TMEM168: variants seen among roughly 807,000 people sequenced by gnomAD.
The protein encoded by TMEM168 is transmembrane protein 168.
A neutral mutation model predicts 53.2 loss-of-function variants in TMEM168; 40 were observed. The ratio of observed to expected loss-of-function variants is 0.75; its 90% CI spans 0.58 to 0.98. The LOEUF (loss-of-function observed/expected upper bound fraction) is 0.98, where lower values mean the gene tolerates loss of function less well. Among genes scored for constraint, TMEM168 ranks in the 50% least tolerant of loss-of-function variants. TMEM168 has a pLI of 0.00. For missense variants in TMEM168, 771 were observed against 828.8 expected (o/e 0.93, Z 0.86); for synonymous variants, 282 against 293.0 (o/e 0.96, Z 0.38).
At chr7:112,781,179 A>T (rs1421666444) in intron 2 of TMEM168, among the ~76,000 whole-genome samples, 1 of 152,090 alleles carries the variant, frequency 6.6e-6, no homozygotes, top group Non-Finnish European at 1.5e-5. Context: ...GAACTATAAT[A>T]GAGATTTTCA....
In TMEM168 at chr7:112,766,599, TG is replaced by T. The variant is rs1395435730; in HGVS notation, c.*597del. ...ACATAAAGAATATTTTGATCTAAAA[TG>T]TAACTTGGGTTCTCTGCCACACTGG... On this transcript the variant is annotated 3_prime_UTR_variant, in exon 5 of 5. Coordinates refer to ENST00000312814, the MANE Select transcript of TMEM168 (RefSeq NM_022484.6). 6.5e-6 allele frequency: 1 copy of T among 152,714 alleles called. No homozygotes were observed. Among genetic ancestry groups the T allele is most frequent in the Non-Finnish European group, 1.5e-5 (1 of 68,088 alleles). 9.5% of individuals were successfully genotyped at this position (152,714 alleles called of 1,614,324 possible).
chr7:112,786,208 TAAAC>T (rs1313913278), intron 1 of TMEM168, among the ~76,000 whole-genome samples: 3 of 151,782 alleles, frequency 2.0e-5, no homozygotes, highest in South Asian at 2.1e-4. Flanking sequence ...CCTCCAAAAA[TAAAC>T]AAAAAAAACC....
At chr7:112,788,782 A>C (rs1223030617) in intron 1 of TMEM168, among the ~76,000 whole-genome samples, 2 of 152,140 alleles carry the variant, frequency 1.3e-5, no homozygotes, top group Non-Finnish European at 2.9e-5. Flanking sequence ...AGTCCTGTCT[A>C]CTATTCTTCC....
chr7:112,784,413 G>A lies in TMEM168; in HGVS notation c.413C>T (p.Ser138Phe), dbSNP rs111844937. The change falls in exon 2 of 5, where the codon TCT becomes TTT. Residue 138 changes from serine (S) to phenylalanine (F), a missense_variant. Ser to Phe is a radical substitution (Grantham distance 155, BLOSUM62 -2). Transcript: ENST00000312814. ...ATAACCAGAAATTCTCTCCACCAGA[G>A]AGCACAATATCCTTAACACTATGGA... ...LTSIVLRILC[S>F]LVERISGYVR... 4 of 1,614,106 alleles carry A rather than the reference G, an allele frequency of 2.5e-6. No individual in the cohort carries two copies. The highest frequency in any genetic ancestry group is 2.2e-5 in the East Asian group (1 of 44,866).
At position 112,767,733 on chromosome 7, in the gene TMEM168, G is replaced by C. The variant is rs1335804754; in HGVS notation, c.1558C>G (p.Leu520Val). 1 of 1,609,750 alleles carries C rather than the reference G, an allele frequency of 6.2e-7. No individual in the cohort carries two copies. Among genetic ancestry groups the C allele is most frequent in the South Asian group, 1.1e-5 (1 of 90,570 alleles). ...GEWALAGGDTLRLDTLIEWWR... is the reference protein window; with the variant it reads ...GEWALAGGDTVRLDTLIEWWR... ...CATTCTATAAGTGTGTCAAGGCGTA[G>C]TGTATCTCCACCTGTGAACAAGAGA... The change falls in exon 5 of 5, where the codon CTA becomes GTA. Residue 520 changes from leucine (L) to valine (V), a missense_variant. Physicochemically the swap from Leu to Val is conservative, Grantham distance 32. Transcript: ENST00000312814.
Position 112,784,302 on chromosome 7 carries a change from T to C in TMEM168, c.524A>G (p.Glu175Gly), listed in dbSNP as rs1793315089. 1.2e-6 allele frequency: 2 copies of C among 1,614,036 alleles called. No individual in the cohort carries two copies. Among genetic ancestry groups the C allele is most frequent in the Middle Eastern group, 1.6e-4 (1 of 6,084 alleles). Residue 175 changes from glutamate (E) to glycine (G), a missense_variant, in exon 2 of 5, where the codon GAG (glutamate) becomes GGG (glycine). Coordinates refer to ENST00000312814, the MANE Select transcript of TMEM168 (RefSeq NM_022484.6). Reference protein sequence around the residue: ...FAIASTTMLVEKSLSVILLVV... With the variant: ...FAIASTTMLVGKSLSVILLVV... ...AAGCAAAATGACACTCAGAGACTTC[T>C]CCACCAACATAGTTGTGCTGGCAAT...
chr7:112,769,949 C>T (rs530829397), intron 4 of TMEM168, among the ~76,000 whole-genome samples: 5 of 152,172 alleles, frequency 3.3e-5, no homozygotes, highest in Admixed American at 6.5e-5. Flanking sequence ...TTTCCCACAG[C>T]GATATTAATA....
rs148063778 is a variant in TMEM168, at chr7:112,775,315, T to C, written c.1132A>G (p.Thr378Ala). The change falls in exon 3 of 5, where the codon ACA (threonine) becomes GCA (alanine). Residue 378 changes from threonine to alanine, a missense_variant. Physicochemically the swap from Thr to Ala is moderately conservative, Grantham distance 58 (BLOSUM62 0). Coordinates refer to ENST00000312814, the MANE Select transcript of TMEM168 (RefSeq NM_022484.6). ...AACATGCTCAAGAAAATTCCATTTG[T>C]TGGCTAAAAGAAATCCAAAACATGT... is the stretch of plus-strand genomic sequence containing the variant. ...AILGAVSWQP[T>A]NGIFLSMFLI... The C allele has an allele frequency of 5.8e-5, 94 of 1,612,284 alleles. No individual in the cohort carries two copies. The highest frequency in any genetic ancestry group is 7.3e-5 in the Non-Finnish European group (86 of 1,179,206).
chr7:112,780,874 T>G (rs562199030), intron 2 of TMEM168, among the ~76,000 whole-genome samples: 1 of 150,390 alleles, frequency 6.6e-6, no homozygotes, highest in African/African-American at 2.5e-5. Context: ...AGAGGGAATT[T>G]TGGCAGTGAT....
intron 2 of TMEM168, among the ~76,000 whole-genome samples, chr7:112,775,527 T>C (rs973138796): frequency 6.6e-6 from 1 of 151,942 alleles, no homozygotes; most frequent in Non-Finnish European, 1.5e-5. Flanking sequence ...TCTCTTAGTT[T>C]TTTGGAAGTT....
chr7:112,767,089 G>T lies in TMEM168; in HGVS notation c.*108C>A. The stretch of plus-strand genomic sequence containing the variant: ...AAAAGACAAAGTGAGAGCAGCTACA[G>T]AAGTAGCAAGGTATTTTCCACAAAT... On this transcript the variant is annotated 3_prime_UTR_variant, in exon 5 of 5. Transcript: ENST00000312814. 1 of 1,102,712 alleles carries T rather than the reference G, an allele frequency of 9.1e-7. No homozygotes were observed. Among genetic ancestry groups the T allele is most frequent in the East Asian group, 2.5e-5 (1 of 39,780 alleles). The allele number at this position is 1,102,712 out of a possible 1,614,324, so 68.3% of individuals were successfully genotyped here. A position where few individuals can be genotyped will look rare whatever the true frequency, so the allele number is the denominator to read the frequency against.
At chr7:112,775,516 A>C (rs1793055366) in intron 2 of TMEM168, among the ~76,000 whole-genome samples, 198 bp from the exon 3 acceptor site, 1 of 152,096 alleles carries the variant, frequency 6.6e-6, no homozygotes, top group East Asian at 1.9e-4. Context: ...TCCTAAATTT[A>C]TCTCTTAGTT....
chr7:112,786,225 C>T (rs1182229213), intron 1 of TMEM168, among the ~76,000 whole-genome samples: 3 of 152,008 alleles, frequency 2.0e-5, no homozygotes, highest in African/African-American at 4.8e-5. Flanking sequence ...AAAAAACCCA[C>T]GAGTTTTTGA....
In TMEM168 at chr7:112,767,574, T is replaced by C. The variant is rs1359447164; in HGVS notation, c.1717A>G (p.Lys573Glu). 2.5e-6 allele frequency: 4 copies of C among 1,614,198 alleles called. No individual in the cohort carries two copies. The Admixed American group carries it at 5.0e-5, about 20-fold the overall frequency. Residue 573 changes from lysine (K) to glutamate (E), a missense_variant, in exon 5 of 5, where the codon AAA (lysine) becomes GAA (glutamate). Lys to Glu is a moderately conservative substitution (Grantham distance 56). Coordinates refer to ENST00000312814, the MANE Select transcript of TMEM168 (RefSeq NM_022484.6). Reference protein sequence around the residue: ...YIAVQGAELIKTVDIEEADPP... With the variant: ...YIAVQGAELIETVDIEEADPP... ...TCAGCTTCTTCAATATCTACTGTTT[T>C]TATCAACTCTGCTCCTTGCACTGCA...
chr7:112,775,223 T>C lies in TMEM168; in HGVS notation c.1224A>G (p.Gly408=), dbSNP rs368213913. The C allele has an allele frequency of 5.0e-6, 8 of 1,613,650 alleles. No individual in the cohort carries two copies. The African/African-American group carries it at 9.3e-5, about 19-fold the overall frequency. Residue 408 remains glycine, a synonymous_variant, in exon 3 of 5, where the codon GGA becomes GGG. Coordinates refer to ENST00000312814, the MANE Select transcript of TMEM168 (RefSeq NM_022484.6). ...GLFHELGNCL[G]GTSVGYAIVI... ...CAATAGCATATCCAACAGATGTTCC[T>C]CCTAAACAGTTACCCAATTCATGGA...
At position 112,764,135 on chromosome 7, in the gene TMEM168, A is replaced by C. The variant is rs1026730110; in HGVS notation, c.*3062T>G. The C allele has an allele frequency of 1.9e-5, 2 of 108,060 alleles. No homozygotes were observed. Among genetic ancestry groups the C allele is most frequent in the African/African-American group, 6.5e-5 (2 of 30,880 alleles). 6.7% of individuals were successfully genotyped at this position (108,060 alleles called of 1,614,324 possible). On this transcript the variant is annotated 3_prime_UTR_variant, in exon 5 of 5. Coordinates refer to ENST00000312814, the MANE Select transcript of TMEM168 (RefSeq NM_022484.6). ...TAAAACTTAAAGTATAATAATAATAAAATTAAAATAAATAAATAATGGTTA... is the reference window on the plus strand; with the variant it reads ...TAAAACTTAAAGTATAATAATAATACAATTAAAATAAATAAATAATGGTTA...
rs1792779187 is a variant in TMEM168 at position 112,766,403 on chromosome 7, C to G, written c.*794G>C. ...TTGCTAAATTTCTTCTATGAGAGTACTTTTCAAAAAGGAAGACAATTTATT... is the reference window on the plus strand; with the variant it reads ...TTGCTAAATTTCTTCTATGAGAGTAGTTTTCAAAAAGGAAGACAATTTATT... On this transcript the variant is annotated 3_prime_UTR_variant, in exon 5 of 5. Transcript: ENST00000312814. 6.6e-6 allele frequency: 1 copy of G among 152,502 alleles called. No individual in the cohort carries two copies. The highest frequency in any genetic ancestry group is 1.5e-5 in the Non-Finnish European group (1 of 68,002). The allele number at this position is 152,502 out of a possible 1,614,324, so 9.4% of individuals were successfully genotyped here.
At position 112,766,166 on chromosome 7, in the gene TMEM168, A is replaced by G. The variant is rs1792772643; in HGVS notation, c.*1031T>C. The G allele has an allele frequency of 1.3e-5, 2 of 152,590 alleles. No homozygotes were observed. The highest frequency in any genetic ancestry group is 2.4e-5 in the African/African-American group (1 of 41,462). The allele number at this position is 152,590 out of a possible 1,614,324, so 9.5% of individuals were successfully genotyped here. A position where few individuals can be genotyped will look rare whatever the true frequency, so the allele number is the denominator to read the frequency against. ...AATTACAACCACAATATTATGCCTAACTAAAATTGCCAATATGAATACTTT... is the reference window on the plus strand; with the variant it reads ...AATTACAACCACAATATTATGCCTAGCTAAAATTGCCAATATGAATACTTT... On this transcript the variant is annotated 3_prime_UTR_variant, in exon 5 of 5. Transcript: ENST00000312814.
chr7:112,781,498 T>C (rs993101534), intron 2 of TMEM168, among the ~76,000 whole-genome samples: 15 of 152,058 alleles, frequency 9.9e-5, no homozygotes, highest in South Asian at 2.1e-4. Context: ...AAAGAGGAAA[T>C]TTCAAAGGAA....
Sources: gnomAD v4.1 joint callset for allele counts (sites outside exome capture counted in the v4.1 genomes callset) on GRCh38, gnomAD v4.1.1 for gene constraint, MANE v1.5 for transcripts, NCBI Gene and HGNC (gene_info 2026-07-23, HGNC 2026-07-21) for gene names.